Variants in LY96 observed in about 807,000 individuals in gnomAD.
The protein encoded by LY96 is myeloid differentiation protein-2.
Under a neutral mutation model 18.9 loss-of-function variants are expected in LY96, and 18 were observed. The observed-to-expected ratio is 0.95, with a 90% CI of 0.66 to 1.41. The LOEUF (loss-of-function observed/expected upper bound fraction) is 1.41. Ranked by LOEUF, LY96 falls within the 40% of genes most tolerant of loss-of-function variation. The pLI is 0.00. For synonymous variants in LY96, 66 were observed against 62.6 expected, an observed-to-expected ratio of 1.06 and a Z score of -0.26; for missense variants, 175 against 182.4, an observed-to-expected ratio of 0.96 and a Z score of 0.23.
chr8:74,084,662 G>A, the LY96 span, among the ~76,000 whole-genome samples: 1 of 152,058 alleles, frequency 6.6e-6, no homozygotes, highest in Non-Finnish European at 1.5e-5. Context: ...TGCCCAGGCT[G>A]GAGTACAGTG....
intron 1 of LY96, among the ~76,000 whole-genome samples, chr8:73,996,372 C>CATTCATTTCTTTCTTTCTTTCTTT: frequency 9.0e-6 from 1 of 111,006 alleles, no homozygotes; most frequent in East Asian, 3.2e-4. Flanking sequence ...TTCCTTCATT[C>CATTCATTTCTTTCTTTCTTTCTTT]CTTTCTTTCT....
At chr8:74,022,231 A>T (rs1163125001) in intron 3 of LY96, among the ~76,000 whole-genome samples, 1 of 152,092 alleles carries the variant, frequency 6.6e-6, no homozygotes, top group African/African-American at 2.4e-5. Context: ...TACATGGTGA[A>T]ACCCAGTCTG....
intron 4 of LY96, among the ~76,000 whole-genome samples, chr8:74,027,188 G>A (rs889668783): frequency 1.3e-5 from 2 of 151,668 alleles, no homozygotes; most frequent in Admixed American, 6.6e-5. Flanking sequence ...GATCCACTCC[G>A]CTTAGCCTCC....
intron 2 of LY96, among the ~76,000 whole-genome samples, chr8:74,009,082 T>C (rs1293435338): frequency 6.6e-6 from 1 of 152,032 alleles, no homozygotes; most frequent in East Asian, 1.9e-4. Flanking sequence ...TGCAAAATTG[T>C]TTTCTTTATG....
At chr8:74,088,049 A>C in the LY96 span, among the ~76,000 whole-genome samples, 6 of 149,658 alleles carry the variant, frequency 4.0e-5, no homozygotes, top group Non-Finnish European at 5.9e-5. Context: ...TTCCCAAAGC[A>C]TTGTACCCGT....
intron 2 of LY96, among the ~76,000 whole-genome samples, chr8:74,006,371 T>A (rs1340127978): frequency 6.6e-6 from 1 of 152,138 alleles, no homozygotes; most frequent in Non-Finnish European, 1.5e-5. Flanking sequence ...CTAATTTTTG[T>A]ATTTTTAGTA....
rs545822209 is a variant in LY96, at chr8:74,021,355, T to C, written c.332-5434T>C. 2.6e-4 allele frequency among the ~76,000 whole-genome samples: 40 copies of C among 152,264 alleles called. 1 individual carries two copies. In the South Asian group the frequency reaches 7.5e-3, roughly 28 times the overall value. ...TCACTGGTCATCAGAGAAATGCAAA[T>C]CAAAACCACAATGAGATACCATCTC... On this transcript the variant is annotated intron_variant, in intron 3 of 4. Coordinates refer to ENST00000284818, the MANE Select transcript of LY96 (RefSeq NM_015364.5).
the LY96 span, among the ~76,000 whole-genome samples, chr8:74,038,472 C>T: frequency 1.2e-4 from 19 of 152,258 alleles, no homozygotes; most frequent in African/African-American, 3.6e-4. Flanking sequence ...TGGATTATTT[C>T]AATTAGCATA....
At chr8:73,998,602 G>A (rs1233639703) in intron 1 of LY96, among the ~76,000 whole-genome samples, 1 of 152,076 alleles carries the variant, frequency 6.6e-6, no homozygotes, top group Non-Finnish European at 1.5e-5. Context: ...AGGATCTCTT[G>A]AGCCCAGGAG....
chr8:74,054,617 C>CTTTCTTTCTTTCT, the LY96 span, among the ~76,000 whole-genome samples: 23 of 70,098 alleles, frequency 3.3e-4, no homozygotes, highest in African/African-American at 4.9e-4. Flanking sequence ...TTTCCTTTTC[C>CTTTCTTTCTTTCT]TTCTTTCTTT....
the LY96 span, among the ~76,000 whole-genome samples, chr8:74,066,754 G>T: frequency 1.3e-5 from 2 of 152,178 alleles, no homozygotes; most frequent in Non-Finnish European, 2.9e-5. Flanking sequence ...CTGGAGGCAG[G>T]TGGACCAGCA....
the LY96 span, among the ~76,000 whole-genome samples, chr8:74,074,279 C>A: frequency 6.6e-6 from 1 of 152,128 alleles, no homozygotes; most frequent in Non-Finnish European, 1.5e-5. Flanking sequence ...GGATTACAGG[C>A]GTGAGCCACT....
chr8:74,085,066 A>G, the LY96 span, among the ~76,000 whole-genome samples: 1 of 152,240 alleles, frequency 6.6e-6, no homozygotes, highest in Non-Finnish European at 1.5e-5. Context: ...AAATGAGAGA[A>G]ATGAAGCTTC....
At chr8:74,007,888 T>A (rs537873512) in intron 2 of LY96, among the ~76,000 whole-genome samples, 11 of 152,210 alleles carry the variant, frequency 7.2e-5, no homozygotes. Flanking sequence ...GCACCCCTGG[T>A]AGCTGGGATT....
the LY96 span, among the ~76,000 whole-genome samples, chr8:74,062,012 A>G: frequency 6.6e-6 from 1 of 152,232 alleles, no homozygotes; most frequent in Non-Finnish European, 1.5e-5. Flanking sequence ...TTGCAAAATG[A>G]GCATGCCCAT....
chr8:74,075,009 A>G, the LY96 span, among the ~76,000 whole-genome samples: 18 of 152,334 alleles, frequency 1.2e-4, no homozygotes, highest in South Asian at 3.1e-3. Context: ...CATTTATTCT[A>G]TAGCATAGAT....
At chr8:74,081,547 T>A in the LY96 span, among the ~76,000 whole-genome samples, 1 of 151,826 alleles carries the variant, frequency 6.6e-6, no homozygotes, top group Non-Finnish European at 1.5e-5. Context: ...GTGTGAGCCA[T>A]CATGCCTAGC....
intron 3 of LY96, among the ~76,000 whole-genome samples, chr8:74,010,799 A>G (rs765023538): frequency 1.3e-5 from 2 of 151,956 alleles, no homozygotes; most frequent in Non-Finnish European, 2.9e-5. Context: ...TAATGTGTCC[A>G]TGGTCATTTG....
chr8:74,007,749 G>A (rs749532335), intron 2 of LY96, among the ~76,000 whole-genome samples: 1 of 152,156 alleles, frequency 6.6e-6, no homozygotes, highest in Non-Finnish European at 1.5e-5. Context: ...TATACCACAT[G>A]ACAGCCTCCA....
Sources: allele counts gnomAD v4.1 joint callset (sites outside exome capture counted in the v4.1 genomes callset), GRCh38; gene constraint gnomAD v4.1.1; transcripts MANE v1.5; gene names NCBI Gene and HGNC (gene_info 2026-07-23, HGNC 2026-07-21).